Variants in PAX3 observed in about 807,000 individuals in gnomAD.
The protein encoded by PAX3 is paired box 3.
PAX3 carries 14 observed loss-of-function variants against 51.6 expected under a neutral mutation model. That is an observed-to-expected ratio of 0.27 (90% confidence interval 0.18 to 0.42). The LOEUF (loss-of-function observed/expected upper bound fraction) is 0.42. Ranked by LOEUF, PAX3 falls within the 10% of genes least tolerant of loss-of-function variation. PAX3 has a pLI of 1.00. For synonymous variants in PAX3, 280 were observed against 253.4 expected, an observed-to-expected ratio of 1.11 and a Z score of -1.00; for missense variants, 540 against 642.8, an observed-to-expected ratio of 0.84 and a Z score of 1.73.
rs886055676 is a variant in PAX3, at chr2:222,298,569, G to T, written c.47C>A (p.Pro16Gln). Residue 16 changes from proline (P) to glutamine (Q), a missense_variant, in exon 1 of 9, where the codon CCG (proline) becomes CAG (glutamine). This residue lies in a region of PAX3 where 63 missense variants were observed against 49.9 expected (regional missense o/e 1.26). Transcript: ENST00000392070. Reference sequence around the variant, plus strand: ...CCCGCTACGCGGGTAGTTCTGCCCCGGGCCCGGCCGCATCATCCTGGGCAC... The same window carrying T: ...CCCGCTACGCGGGTAGTTCTGCCCCTGGCCCGGCCGCATCATCCTGGGCAC... The part of the protein sequence containing the change: ...GAVPRMMRPG[P>Q]GQNYPRSGFP... 2 of 1,608,106 alleles carry T rather than the reference G, an allele frequency of 1.2e-6. No individual in the cohort carries two copies. Among genetic ancestry groups the T allele is most frequent in the African/African-American group, 1.3e-5 (1 of 74,952 alleles).
chr2:222,269,592 C>T (rs1038825020), intron 4 of PAX3, among the ~76,000 whole-genome samples: 2 of 150,918 alleles, frequency 1.3e-5, no homozygotes, highest in African/African-American at 2.4e-5. Context: ...CTACAAACAA[C>T]GACAACATAA....
intron 1 of PAX3, 143 bp downstream of exon 1, chr2:222,298,388 C>T: frequency 1.5e-6 from 1 of 671,638 alleles, no homozygotes; most frequent in African/African-American, 1.8e-5. Flanking sequence ...GTCCTCGCCC[C>T]CGACTGGTGC....
intron 4 of PAX3, among the ~76,000 whole-genome samples, chr2:222,239,529 G>GAA (rs143192344): frequency 6.6e-6 from 1 of 151,386 alleles, no homozygotes; most frequent in African/African-American, 2.4e-5. Flanking sequence ...TATGCAGGTG[G>GAA]AAAAAAAACA....
At chr2:222,226,506 G>A (rs1463360506) in intron 5 of PAX3, among the ~76,000 whole-genome samples, 1 of 151,964 alleles carries the variant, frequency 6.6e-6, no homozygotes, top group East Asian at 1.9e-4. Context: ...CCTCCCAAAA[G>A]CAAACTCCTG....
At chr2:222,244,363 CA>C (rs1451724046) in intron 4 of PAX3, among the ~76,000 whole-genome samples, 1 of 152,156 alleles carries the variant, frequency 6.6e-6, no homozygotes, top group East Asian at 1.9e-4. Flanking sequence ...TGATTTGGGA[CA>C]AGCTTATTAA....
At chr2:222,294,039 G>C in intron 4 of PAX3, 128 bp downstream of exon 4, 1 of 1,565,304 alleles carries the variant, frequency 6.4e-7, no homozygotes, top group Non-Finnish European at 8.6e-7. Flanking sequence ...TTACTCAGGC[G>C]CAGAGACACC....
rs1458771996 is a variant in PAX3 at position 222,201,304 on chromosome 2, C to A, written c.*104G>T. On this transcript the variant is annotated 3_prime_UTR_variant, in exon 9 of 9. Coordinates refer to ENST00000392070, the MANE Select transcript of PAX3 (RefSeq NM_181458.4). ...CTATTGGGACCACTGCCCCACCCCC[C>A]CCAACAAAAGGGTAATTTTTTTTTG... 6 of 1,612,884 alleles carry A rather than the reference C, an allele frequency of 3.7e-6. No individual in the cohort carries two copies. The highest frequency in any genetic ancestry group is 2.2e-5 in the East Asian group (1 of 44,648).
At chr2:222,280,905 C>T (rs1406870033) in intron 4 of PAX3, among the ~76,000 whole-genome samples, 2 of 152,242 alleles carry the variant, frequency 1.3e-5, no homozygotes, top group Admixed American at 1.3e-4. Context: ...GCTAAATCCC[C>T]AGTCTTCCAT....
At chr2:222,218,784 T>G (rs1253275304) in intron 7 of PAX3, among the ~76,000 whole-genome samples, 1 of 152,234 alleles carries the variant, frequency 6.6e-6, no homozygotes, top group East Asian at 1.9e-4. Flanking sequence ...ATTTTTCAGC[T>G]GAGGTTTAAA....
At chr2:222,244,877 G>T (rs111819627) in intron 4 of PAX3, among the ~76,000 whole-genome samples, 3,384 of 152,252 alleles carry the variant, frequency 0.022, 51 homozygotes, top group Non-Finnish European at 0.03. Flanking sequence ...GCCGAGTGTG[G>T]TGGTGCATGC....
chr2:222,216,053 T>C (rs1029411502), intron 7 of PAX3, among the ~76,000 whole-genome samples: 4 of 152,152 alleles, frequency 2.6e-5, no homozygotes, highest in African/African-American at 7.2e-5. Flanking sequence ...CAGCCTTTGA[T>C]AGAATGAAAA....
At position 222,297,134 on chromosome 2, in the gene PAX3, G is replaced by A; in HGVS notation, c.165C>T (p.Ile55=). ...FINGRPLPNH[I]RHKIVEMAHH... is the part of the protein sequence containing the mutation. ...GGGCCATCTCCACGATCTTGTGGCG[G>A]ATGTGGTTGGGCAGCGGCCTGCCGT... Residue 55 remains isoleucine, a synonymous_variant, in exon 2 of 9, where the codon ATC becomes ATT. Coordinates refer to ENST00000392070, the MANE Select transcript of PAX3 (RefSeq NM_181458.4). 1 of 1,610,848 alleles carries A rather than the reference G, an allele frequency of 6.2e-7. No individual in the cohort carries two copies. Among genetic ancestry groups the A allele is most frequent in the Non-Finnish European group, 8.5e-7 (1 of 1,178,878 alleles).
intron 7 of PAX3, among the ~76,000 whole-genome samples, chr2:222,217,404 C>G (rs1197105851): frequency 6.6e-6 from 1 of 152,074 alleles, no homozygotes; most frequent in South Asian, 2.1e-4. Context: ...TCTCTTCATT[C>G]AACTCTGGAC....
intron 7 of PAX3, among the ~76,000 whole-genome samples, chr2:222,209,080 T>G (rs909700958): frequency 6.6e-6 from 1 of 152,170 alleles, no homozygotes; most frequent in Non-Finnish European, 1.5e-5. Flanking sequence ...CAGAGGAATG[T>G]TGGTCTATAT....
intron 4 of PAX3, among the ~76,000 whole-genome samples, chr2:222,249,079 C>T (rs1477045973): frequency 6.6e-6 from 1 of 152,150 alleles, no homozygotes; most frequent in Non-Finnish European, 1.5e-5. Context: ...GTTTAGTAAA[C>T]TGTAACATTC....
At chr2:222,295,866 G>A (rs972026191) in intron 2 of PAX3, among the ~76,000 whole-genome samples, 1 of 152,198 alleles carries the variant, frequency 6.6e-6, no homozygotes, top group African/African-American at 2.4e-5. Context: ...AGCCTGGGAA[G>A]CCTCTAACTT....
chr2:222,292,166 A>T (rs945392425), intron 4 of PAX3, among the ~76,000 whole-genome samples: 1 of 152,214 alleles, frequency 6.6e-6, no homozygotes, highest in African/African-American at 2.4e-5. Context: ...CACGCTGAAG[A>T]GTCCATAAAA....
intron 4 of PAX3, among the ~76,000 whole-genome samples, chr2:222,267,588 T>C (rs1302006716): frequency 6.6e-6 from 1 of 152,236 alleles, no homozygotes; most frequent in Admixed American, 6.5e-5. Flanking sequence ...TATAATTTAC[T>C]GTAAATTACA....
At chr2:222,298,285 AAGTCT>A (rs1695413719) in intron 1 of PAX3, 1 of 548,216 alleles carries the variant, frequency 1.8e-6, no homozygotes, top group Non-Finnish European at 3.3e-6. Context: ...CAACAGGGAC[AAGTCT>A]CCCCGGCTCG....
Sources: allele counts gnomAD v4.1 joint callset (sites outside exome capture counted in the v4.1 genomes callset), GRCh38; gene constraint gnomAD v4.1.1; regional missense constraint gnomAD v4.1.1; transcripts MANE v1.5; gene names NCBI Gene and HGNC (gene_info 2026-07-23, HGNC 2026-07-21).